GBE1: variants seen among roughly 807,000 people sequenced by gnomAD.
GBE1 encodes 1,4-alpha-glucan-branching enzyme.
Under a neutral mutation model 88.8 loss-of-function variants are expected in GBE1, and 70 were observed. The observed-to-expected ratio is 0.79, with a 90% CI of 0.65 to 0.96. The LOEUF (loss-of-function observed/expected upper bound fraction) is 0.96. Ranked by LOEUF, GBE1 falls within the 40% of genes least tolerant of loss-of-function variation. The pLI, the probability that GBE1 is intolerant of heterozygous loss-of-function variation, is 0.00. For synonymous variants in GBE1, 284 were observed against 300.1 expected, an observed-to-expected ratio of 0.95 and a Z score of 0.56; for missense variants, 872 against 871.0, an observed-to-expected ratio of 1.00 and a Z score of -0.01.
rs1300842423 is a variant in GBE1, at chr3:81,702,134, T to A, written c.313+3310A>T. Among the ~76,000 whole-genome samples the A allele has an allele frequency of 1.3e-4, 20 of 149,270 alleles. 1 individual carries two copies. In the East Asian group the frequency reaches 3.1e-3, roughly 23 times the overall value. Reference sequence around the variant, plus strand: ...GTGTGTGTGTGTGTGTGTGTGTGTGTGTGTGTGTGTGTGTGTGTGTGTGTG... The same window carrying A: ...GTGTGTGTGTGTGTGTGTGTGTGTGAGTGTGTGTGTGTGTGTGTGTGTGTG... On this transcript the variant is annotated intron_variant, in intron 2 of 15. Coordinates refer to ENST00000429644, the MANE Select transcript of GBE1 (RefSeq NM_000158.4).
chr3:81,495,471 TCA>T (rs986311272), intron 15 of GBE1, among the ~76,000 whole-genome samples: 5 of 152,152 alleles, frequency 3.3e-5, no homozygotes, highest in South Asian at 2.1e-4. Flanking sequence ...ATAATAAAAA[TCA>T]CAGTTTTTTG....
chr3:81,511,059 C>G (rs1000921781), intron 14 of GBE1, among the ~76,000 whole-genome samples: 11 of 151,800 alleles, frequency 7.2e-5, no homozygotes, highest in Non-Finnish European at 1.5e-4. Context: ...TGCTTTAAAA[C>G]AAAAATAAAC....
chr3:81,689,411 T>C (rs1316526997), intron 2 of GBE1, among the ~76,000 whole-genome samples: 1 of 152,222 alleles, frequency 6.6e-6, no homozygotes, highest in Non-Finnish European at 1.5e-5. Flanking sequence ...ATTAGGGCAA[T>C]TCCGTTAAAA....
chr3:81,597,246 T>C (rs1023812408), intron 7 of GBE1, among the ~76,000 whole-genome samples: 1 of 151,670 alleles, frequency 6.6e-6, no homozygotes, highest in African/African-American at 2.4e-5. Context: ...CATAAAAATA[T>C]ACAGCAGAAT....
chr3:81,611,576 G>A (rs977547489), intron 7 of GBE1, among the ~76,000 whole-genome samples: 2 of 152,044 alleles, frequency 1.3e-5, no homozygotes, highest in East Asian at 1.9e-4. Flanking sequence ...GGAGAGACCC[G>A]TCCAAATACG....
At chr3:81,758,968 G>GT (rs1283599308) in intron 1 of GBE1, among the ~76,000 whole-genome samples, 1 of 152,224 alleles carries the variant, frequency 6.6e-6, no homozygotes, top group East Asian at 1.9e-4. Flanking sequence ...CTGATAGTAA[G>GT]TAAGTCTCAC....
chr3:81,627,050 T>A (rs535051681), intron 7 of GBE1, among the ~76,000 whole-genome samples: 22 of 152,330 alleles, frequency 1.4e-4, no homozygotes, highest in African/African-American at 5.0e-4. Flanking sequence ...ATAATAAACC[T>A]GGATGCCATT....
chr3:81,636,209 T>C (rs1704589643), intron 7 of GBE1, among the ~76,000 whole-genome samples: 1 of 152,180 alleles, frequency 6.6e-6, no homozygotes, highest in Admixed American at 6.5e-5. Context: ...AATTAGTCTG[T>C]CTGAATTTTG....
At chr3:81,540,445 T>A (rs1010896426) in intron 12 of GBE1, among the ~76,000 whole-genome samples, 4 of 152,022 alleles carry the variant, frequency 2.6e-5, no homozygotes. Flanking sequence ...ATGCCACTTA[T>A]AAGTGATGTG....
intron 1 of GBE1, among the ~76,000 whole-genome samples, chr3:81,750,638 T>C (rs1706507186): frequency 1.8e-5 from 1 of 56,472 alleles, no homozygotes; most frequent in Non-Finnish European, 2.9e-5. Context: ...TACGTATATA[T>C]ATATATGTAT....
chr3:81,757,004 A>C (rs548079671), intron 1 of GBE1, among the ~76,000 whole-genome samples: 1 of 152,380 alleles, frequency 6.6e-6, no homozygotes, highest in African/African-American at 2.4e-5. Flanking sequence ...GATAAAGATT[A>C]GAAAATTTTT....
rs147492111 is a variant in GBE1 at position 81,583,650 on chromosome 3, T to A, written c.1336-2375A>T. Among the ~76,000 whole-genome samples the A allele has an allele frequency of 4.6e-3, 698 of 152,168 alleles. 3 individuals carry two copies. The highest frequency in any genetic ancestry group is 0.016 in the African/African-American group (657 of 41,542). ...AACTGAAAATGCCAATCCAGAAAGG[T>A]CACAAACTGCATGATTCCATTTATA... On this transcript the variant is annotated intron_variant, in intron 10 of 15. Coordinates refer to ENST00000429644, the MANE Select transcript of GBE1 (RefSeq NM_000158.4).
chr3:81,696,043 C>G (rs1298704817), intron 2 of GBE1, among the ~76,000 whole-genome samples: 1 of 152,054 alleles, frequency 6.6e-6, no homozygotes, highest in Non-Finnish European at 1.5e-5. Flanking sequence ...TCCGCCCCCC[C>G]AAGATCTATT....
At chr3:81,642,594 A>T (rs973978266) in intron 7 of GBE1, 187 bp downstream of exon 7, 20 of 505,826 alleles carry the variant, frequency 4.0e-5, no homozygotes, top group Admixed American at 2.4e-4. Flanking sequence ...ATTGAAATTT[A>T]ATGAAATATA....
At chr3:81,601,032 T>C (rs534006792) in intron 7 of GBE1, among the ~76,000 whole-genome samples, 2 of 152,262 alleles carry the variant, frequency 1.3e-5, no homozygotes, top group Admixed American at 6.5e-5. Context: ...TTGCACTAGC[T>C]TTGCTAAATA....
intron 7 of GBE1, among the ~76,000 whole-genome samples, chr3:81,614,730 G>A (rs1350851648): frequency 1.3e-5 from 2 of 152,086 alleles, no homozygotes; most frequent in East Asian, 1.9e-4. Context: ...ATGGTGGCAC[G>A]TGCCTGTAAT....
intron 9 of GBE1, among the ~76,000 whole-genome samples, chr3:81,589,588 T>A (rs1703848723): frequency 2.0e-5 from 3 of 151,510 alleles, no homozygotes; most frequent in Admixed American, 1.3e-4. Flanking sequence ...GAAACACTGA[T>A]AATCAGACCA....
chr3:81,621,016 C>G (rs1035765705), intron 7 of GBE1, among the ~76,000 whole-genome samples: 1 of 152,160 alleles, frequency 6.6e-6, no homozygotes, highest in Non-Finnish European at 1.5e-5. Flanking sequence ...AAGGACCTCA[C>G]GGAGGCGGGC....
chr3:81,568,458 A>T (rs1330915192), intron 12 of GBE1, among the ~76,000 whole-genome samples: 1 of 145,698 alleles, frequency 6.9e-6, no homozygotes, highest in Non-Finnish European at 1.5e-5. Flanking sequence ...TGTGTCACTT[A>T]TCATTTGCAG....
Sources: allele counts gnomAD v4.1 joint callset (sites outside exome capture counted in the v4.1 genomes callset), GRCh38; gene constraint gnomAD v4.1.1; transcripts MANE v1.5; gene names NCBI Gene and HGNC (gene_info 2026-07-23, HGNC 2026-07-21).